PDE5A: variants seen among roughly 807,000 people sequenced by gnomAD.
PDE5A encodes the protein phosphodiesterase 5A.
A neutral mutation model predicts 110.2 loss-of-function variants in PDE5A; 67 were observed. That is an observed-to-expected ratio of 0.61 (90% CI 0.50 to 0.75). PDE5A has a LOEUF of 0.75. Ranked by LOEUF, PDE5A falls within the 30% of genes least tolerant of loss-of-function variation. The probability of loss-of-function intolerance (pLI) is 0.00; values close to 1 mark genes in which losing one functional copy is unlikely to be tolerated. For synonymous variants in PDE5A, 328 were observed against 351.2 expected (o/e 0.93, Z 0.74); for missense variants, 862 against 1,045.1 (o/e 0.82, Z 2.42).
rs7694856 is a variant in PDE5A, at chr4:119,554,303, C to T, written c.1200-557G>A. On this transcript the variant is annotated intron_variant, in intron 7 of 20. Coordinates refer to ENST00000354960, the MANE Select transcript of PDE5A (RefSeq NM_001083.4). Reference sequence around the variant, plus strand: ...CCCTTTGTTCAGTTTCCTCTCTACACCTTTTTTCTGCTTTGAGATGCTTTA... The same window carrying T: ...CCCTTTGTTCAGTTTCCTCTCTACATCTTTTTTCTGCTTTGAGATGCTTTA... Among the ~76,000 whole-genome samples the T allele has an allele frequency of 2.6e-5, 4 of 152,180 alleles. No individual in the cohort carries two copies. In the South Asian group the frequency reaches 8.3e-4, roughly 32 times the overall value.
intron 6 of PDE5A, among the ~76,000 whole-genome samples, chr4:119,562,491 CCA>C (rs201807920): frequency 0.26 from 39,963 of 152,040 alleles, 5,375 homozygotes; most frequent in East Asian, 0.38. Context: ...GTATTCCTGA[CCA>C]TGAAAAGTCA....
At chr4:119,604,240 T>C (rs889758641) in intron 2 of PDE5A, among the ~76,000 whole-genome samples, 1 of 152,202 alleles carries the variant, frequency 6.6e-6, no homozygotes, top group African/African-American at 2.4e-5. Context: ...AAGAATTAAA[T>C]CATTATCAAA....
intron 3 of PDE5A, among the ~76,000 whole-genome samples, chr4:119,593,159 G>C (rs1444627412): frequency 6.6e-6 from 1 of 152,182 alleles, no homozygotes; most frequent in Non-Finnish European, 1.5e-5. Context: ...CTTTGGAAGA[G>C]TTTGGAAGTT....
chr4:119,556,626 C>T (rs913928123), intron 7 of PDE5A, among the ~76,000 whole-genome samples: 1 of 152,272 alleles, frequency 6.6e-6, no homozygotes, highest in African/African-American at 2.4e-5. Flanking sequence ...ACAATGCAAG[C>T]ACCACACGTG....
intron 3 of PDE5A, among the ~76,000 whole-genome samples, chr4:119,593,092 T>C (rs920588085): frequency 6.6e-6 from 1 of 152,212 alleles, no homozygotes; most frequent in African/African-American, 2.4e-5. Context: ...TTGCCAAGGA[T>C]GTGATGTAAG....
intron 3 of PDE5A, among the ~76,000 whole-genome samples, chr4:119,590,170 T>C (rs1042086566): frequency 1.3e-5 from 2 of 152,232 alleles, no homozygotes; most frequent in Non-Finnish European, 2.9e-5. Context: ...GTTTCCTTTT[T>C]TGTTAGGTAG....
chr4:119,502,463 A>C, intron 19 of PDE5A, 118 bp downstream of exon 19: 1 of 607,878 alleles, frequency 1.6e-6, no homozygotes, highest in East Asian at 2.8e-5. Context: ...AAAAAGTTTT[A>C]AAAAATAAAA....
intron 11 of PDE5A, among the ~76,000 whole-genome samples, chr4:119,537,854 A>G (rs1485249035): frequency 6.6e-6 from 1 of 152,124 alleles, no homozygotes; most frequent in East Asian, 1.9e-4. Context: ...AGAAATGAAT[A>G]TAGACTATTC....
Position 119,494,962 on chromosome 4 carries a change from A to G in PDE5A, c.*3639T>C, listed in dbSNP as rs1324488032. 1.3e-5 allele frequency: 2 copies of G among 152,580 alleles called. No homozygotes were observed. The highest frequency in any genetic ancestry group is 4.8e-5 in the African/African-American group (2 of 41,454). 9.5% of individuals were successfully genotyped at this position (152,580 alleles called of 1,614,324 possible). A position where few individuals can be genotyped will look rare whatever the true frequency, so the allele number is the denominator to read the frequency against. The stretch of plus-strand genomic sequence containing the variant: ...ACCATGCACAATTTAACAGTCCAGA[A>G]GAACTGTGTAATCTTTACCTGGCTA... On this transcript the variant is annotated 3_prime_UTR_variant, in exon 21 of 21. Coordinates refer to ENST00000354960, the MANE Select transcript of PDE5A (RefSeq NM_001083.4).
At chr4:119,586,791 T>A in intron 3 of PDE5A, among the ~76,000 whole-genome samples, 1 of 152,206 alleles carries the variant, frequency 6.6e-6, no homozygotes, top group East Asian at 1.9e-4. Context: ...ATCTTGAAAT[T>A]ACCAATGAAG....
chr4:119,519,025 C>G lies in PDE5A; in HGVS notation c.2000+20G>C, dbSNP rs199571042. On this transcript the variant is annotated intron_variant, in intron 14 of 20. Coordinates refer to ENST00000354960, the MANE Select transcript of PDE5A (RefSeq NM_001083.4). ...ACAATTAAAAGAAAACATTTTCTTG[C>G]TTTACTGGGAAAGTCTTACCGCTGT... The G allele has an allele frequency of 6.4e-7, 1 of 1,569,202 alleles. No homozygotes were observed. Among genetic ancestry groups the G allele is most frequent in the South Asian group, 1.1e-5 (1 of 89,228 alleles).
chr4:119,627,260 G>A lies in PDE5A; in HGVS notation c.152+1260C>T, dbSNP rs199866908. The A allele has an allele frequency of 6.3e-7, 1 of 1,589,034 alleles. No individual in the cohort carries two copies. Among genetic ancestry groups the A allele is most frequent in the East Asian group, 2.3e-5 (1 of 42,858 alleles). ...AGGGGCAACAACGCGCGCAGGTGAG[G>A]TGAGGTGAGGTCGGCGACTCAGAAC... On this transcript the variant is annotated intron_variant, in intron 1 of 20. Transcript: ENST00000354960. The surrounding 1 kb of genome is among the most constrained non-coding windows in gnomAD (Gnocchi z 4.6).
chr4:119,577,694 A>T (rs949641902), intron 3 of PDE5A, among the ~76,000 whole-genome samples: 3 of 152,230 alleles, frequency 2.0e-5, no homozygotes, highest in Non-Finnish European at 4.4e-5. Flanking sequence ...TCTCAAAATA[A>T]TAAGAGCTAT....
chr4:119,540,120 T>C (rs1191461262), intron 10 of PDE5A, among the ~76,000 whole-genome samples: 1 of 152,108 alleles, frequency 6.6e-6, no homozygotes, highest in Non-Finnish European at 1.5e-5. Flanking sequence ...TTTGAAAGCA[T>C]ATTTTTTTAA....
At chr4:119,558,725 G>C (rs1463241953) in intron 7 of PDE5A, among the ~76,000 whole-genome samples, 1 of 151,972 alleles carries the variant, frequency 6.6e-6, no homozygotes, top group Non-Finnish European at 1.5e-5. Flanking sequence ...TACCATCCCA[G>C]CTAAAAACAG....
chr4:119,528,742 C>T (rs1333945715), intron 11 of PDE5A: 2 of 152,146 alleles, frequency 1.3e-5, no homozygotes, highest in Non-Finnish European at 2.9e-5. Context: ...ATCCACAGGG[C>T]TCAAGCACCT....
chr4:119,567,245 A>C, intron 3 of PDE5A, 101 bp from the exon 4 acceptor site: 1 of 824,046 alleles, frequency 1.2e-6, no homozygotes, highest in Non-Finnish European at 2.0e-6. Context: ...ATGTGCTTTA[A>C]AATAACACTA....
chr4:119,499,156 T>C (rs1725199378), intron 20 of PDE5A, among the ~76,000 whole-genome samples: 1 of 152,228 alleles, frequency 6.6e-6, no homozygotes, highest in African/African-American at 2.4e-5. Context: ...TCCAGGATTA[T>C]ATTATAATAA....
chr4:119,589,011 T>C (rs1296098527), intron 3 of PDE5A, among the ~76,000 whole-genome samples: 1 of 152,174 alleles, frequency 6.6e-6, no homozygotes, highest in Admixed American at 6.5e-5. Context: ...GATTCCAAAC[T>C]GAATTTCTAC....
Sources: allele counts gnomAD v4.1 joint callset (sites outside exome capture counted in the v4.1 genomes callset), GRCh38; gene constraint gnomAD v4.1.1; non-coding constraint Gnocchi (gnomAD v3.1); transcripts MANE v1.5; gene names NCBI Gene and HGNC (gene_info 2026-07-23, HGNC 2026-07-21).